The following UBE2U variants were observed in gnomAD, a reference collection of about 807,000 sequenced individuals.
The protein encoded by UBE2U is ubiquitin conjugating enzyme E2 U, also known as ubiquitin-conjugating enzyme E2 U.
A neutral mutation model predicts 41.2 loss-of-function variants in UBE2U; 39 were observed. The observed-to-expected ratio is 0.95, with a 90% CI of 0.73 to 1.24. The LOEUF is 1.24. Ranked by LOEUF, UBE2U falls within the 50% of genes most tolerant of loss-of-function variation. UBE2U has a pLI of 0.00. For synonymous variants in UBE2U, 107 were observed against 117.8 expected, an observed-to-expected ratio of 0.91 and a Z score of 0.60; for missense variants, 336 against 363.1, an observed-to-expected ratio of 0.93 and a Z score of 0.61.
intron 1 of UBE2U, among the ~76,000 whole-genome samples, chr1:64,204,770 G>A (rs1235884212): frequency 6.6e-6 from 1 of 152,180 alleles, no homozygotes; most frequent in Non-Finnish European, 1.5e-5. Context: ...CAGAAAGAAA[G>A]CTGTCCATGA....
intron 9 of UBE2U, among the ~76,000 whole-genome samples, chr1:64,264,678 C>T (rs529532834): frequency 9.9e-5 from 15 of 152,242 alleles, no homozygotes; most frequent in Admixed American, 2.6e-4. Context: ...TGGGGCGGGG[C>T]GCAGTGGCTC....
At chr1:64,251,028 G>C (rs562607620) in intron 8 of UBE2U, among the ~76,000 whole-genome samples, 5 of 151,670 alleles carry the variant, frequency 3.3e-5, no homozygotes, top group East Asian at 1.9e-4. Context: ...CCAACCTGCA[G>C]GTTGTGCACA....
At chr1:64,237,678 G>GA (rs911207940) in intron 7 of UBE2U, among the ~76,000 whole-genome samples, 9 of 151,778 alleles carry the variant, frequency 5.9e-5, no homozygotes, top group South Asian at 2.1e-4. Flanking sequence ...ACAGATGAGT[G>GA]AAAAAAAACC....
chr1:64,246,513 C>T (rs900433172), intron 8 of UBE2U, among the ~76,000 whole-genome samples: 1 of 152,054 alleles, frequency 6.6e-6, no homozygotes, highest in African/African-American at 2.4e-5. Context: ...TAAAATTAAA[C>T]CTTGACTGCC....
chr1:64,212,731 G>A (rs779020464), intron 4 of UBE2U, among the ~76,000 whole-genome samples: 2 of 152,146 alleles, frequency 1.3e-5, no homozygotes, highest in Non-Finnish European at 2.9e-5. Flanking sequence ...ACTCCAGTGA[G>A]CATTTCCTTT....
intron 7 of UBE2U, among the ~76,000 whole-genome samples, chr1:64,237,053 G>GTAT (rs1216197839): frequency 1.3e-5 from 2 of 152,132 alleles, no homozygotes; most frequent in African/African-American, 4.8e-5. Flanking sequence ...CCTTAGCCCT[G>GTAT]TATCAGTTTT....
At position 64,232,649 on chromosome 1, in the gene UBE2U, T is replaced by C. The variant is rs1644590795; in HGVS notation, c.595T>C (p.Leu199=). 6.2e-7 allele frequency: 1 copy of C among 1,609,784 alleles called. No individual in the cohort carries two copies. Among genetic ancestry groups the C allele is most frequent in the African/African-American group, 1.3e-5 (1 of 74,820 alleles). The change falls in exon 7 of 10, where the codon TTG becomes CTG. Residue 199 remains leucine, a splice_region_variant and synonymous_variant. Transcript: ENST00000371077. The part of the protein sequence containing the change: ...SKATEYYRTP[L]LKVPNFIGQY... ...AGCCACAGAATACTACAGAACTCCATGTAAGGTGAACTATCCTTATCCTAT... is the reference window on the plus strand; with the variant it reads ...AGCCACAGAATACTACAGAACTCCACGTAAGGTGAACTATCCTTATCCTAT...
intron 8 of UBE2U, 25 bp from the exon 9 acceptor site, chr1:64,260,578 T>C (rs747048396): frequency 5.5e-5 from 84 of 1,524,248 alleles, no homozygotes; most frequent in Non-Finnish European, 6.6e-5. Context: ...CATTTGGGAA[T>C]TTAGTTTTCT....
intron 8 of UBE2U, among the ~76,000 whole-genome samples, chr1:64,257,650 A>G (rs1263771033): frequency 6.6e-6 from 1 of 152,146 alleles, no homozygotes; most frequent in Non-Finnish European, 1.5e-5. Flanking sequence ...CATCAGGAAG[A>G]ATAGCTAATG....
At position 64,267,281 on chromosome 1, in the gene UBE2U, C is replaced by G; in HGVS notation, c.*73C>G. 1 of 1,252,558 alleles carries G rather than the reference C, an allele frequency of 8.0e-7. No homozygotes were observed. Among genetic ancestry groups the G allele is most frequent in the Non-Finnish European group, 1.1e-6 (1 of 943,390 alleles). The allele number at this position is 1,252,558 out of a possible 1,614,324, so 77.6% of individuals were successfully genotyped here. A position where few individuals can be genotyped will look rare whatever the true frequency, so the allele number is the denominator to read the frequency against. On this transcript the variant is annotated 3_prime_UTR_variant, in exon 10 of 10. Coordinates refer to ENST00000371077, the MANE Select transcript of UBE2U (RefSeq NM_001366232.2). The stretch of plus-strand genomic sequence containing the variant: ...AGCGTTGTGGAGCAATTTTGGAAGA[C>G]TCTCAGAACTTGGATTTCATTTTTT...
chr1:64,207,593 C>A (rs559217594), intron 3 of UBE2U, among the ~76,000 whole-genome samples: 1 of 151,726 alleles, frequency 6.6e-6, no homozygotes, highest in African/African-American at 2.4e-5. Context: ...TATAAAAAAA[C>A]GATGCACTGG....
At chr1:64,239,139 A>AAGG (rs1557730519) in intron 7 of UBE2U, among the ~76,000 whole-genome samples, 6 of 26,860 alleles carry the variant, frequency 2.2e-4, no homozygotes, top group African/African-American at 1.1e-3. Flanking sequence ...GAAGAAGAAG[A>AAGG]AGAAGAAGAA....
rs367642527 is a variant in UBE2U, at chr1:64,210,855, A to G, written c.339+16A>G. The G allele has an allele frequency of 7.1e-6, 11 of 1,546,468 alleles. No individual in the cohort carries two copies. Among genetic ancestry groups the G allele is most frequent in the Non-Finnish European group, 9.7e-6 (11 of 1,132,120 alleles). On this transcript the variant is annotated intron_variant, in intron 4 of 9. Transcript: ENST00000371077. Reference sequence around the variant, plus strand: ...TGCCCTACAGGTAAGAATGGATTTCATATAATCCTCTCTTTAATACTTTTA... The same window carrying G: ...TGCCCTACAGGTAAGAATGGATTTCGTATAATCCTCTCTTTAATACTTTTA...
intron 7 of UBE2U, among the ~76,000 whole-genome samples, chr1:64,234,044 C>G (rs1644621319): frequency 6.6e-6 from 1 of 152,206 alleles, no homozygotes; most frequent in Non-Finnish European, 1.5e-5. Context: ...TCTACTTACT[C>G]TCTCTGAAAG....
chr1:64,230,907 C>T (rs759713798), intron 6 of UBE2U, among the ~76,000 whole-genome samples: 16 of 152,062 alleles, frequency 1.1e-4, no homozygotes, highest in South Asian at 2.1e-4. Flanking sequence ...AGTAAATTCC[C>T]ATCATTGGTT....
intron 6 of UBE2U, among the ~76,000 whole-genome samples, chr1:64,228,279 C>A (rs572086753): frequency 6.6e-6 from 1 of 152,270 alleles, no homozygotes; most frequent in African/African-American, 2.4e-5. Flanking sequence ...TAATTTAGAG[C>A]CAGAGGTGTG....
intron 6 of UBE2U, among the ~76,000 whole-genome samples, chr1:64,223,048 C>T (rs531136316): frequency 6.6e-6 from 1 of 152,158 alleles, no homozygotes; most frequent in South Asian, 2.1e-4. Context: ...GGTTTTCAGC[C>T]CTTGGGAGAA....
intron 6 of UBE2U, among the ~76,000 whole-genome samples, chr1:64,227,281 G>T (rs1449004590): frequency 3.4e-4 from 52 of 152,180 alleles, no homozygotes. Flanking sequence ...GTGCAATGAG[G>T]CAAGGAAAAT....
intron 6 of UBE2U, among the ~76,000 whole-genome samples, chr1:64,229,105 C>T (rs1439161670): frequency 1.3e-5 from 2 of 151,952 alleles, no homozygotes; most frequent in Admixed American, 6.6e-5. Context: ...ATGATCTGCC[C>T]GCCTCAGCTT....
Sources: gnomAD v4.1 joint callset for allele counts (sites outside exome capture counted in the v4.1 genomes callset) on GRCh38, gnomAD v4.1.1 for gene constraint, MANE v1.5 for transcripts, NCBI Gene and HGNC (gene_info 2026-07-23, HGNC 2026-07-21) for gene names.